The following TUBGCP2 variants were observed in gnomAD, a reference collection of about 807,000 sequenced individuals.
TUBGCP2 encodes the protein tubulin gamma complex component 2, also known as gamma-tubulin complex component 2.
In TUBGCP2, 55 loss-of-function variants were observed where a neutral mutation model predicts 92.2. The ratio of observed to expected loss-of-function variants is 0.60; its 90% CI spans 0.48 to 0.75. The LOEUF is 0.75. Among genes scored for constraint, TUBGCP2 ranks in the 30% least tolerant of loss-of-function variants. The pLI, the probability that TUBGCP2 is intolerant of heterozygous loss-of-function variation, is 0.00. For missense variants in TUBGCP2, 1,093 were observed against 1,188.9 expected (o/e 0.92, Z 1.19); for synonymous variants, 533 against 505.2 (o/e 1.06, Z -0.74).
chr10:133,282,357 T>C lies in TUBGCP2; in HGVS notation c.2290-15A>G. 6.4e-7 allele frequency: 1 copy of C among 1,568,688 alleles called. No individual in the cohort carries two copies. The highest frequency in any genetic ancestry group is 8.6e-7 in the Non-Finnish European group (1 of 1,158,518). On this transcript the variant is annotated splice_polypyrimidine_tract_variant and intron_variant, in intron 15 of 17. Transcript: ENST00000252936. ...TGTGTAAATTTCTAGGGGGGGAGAG[T>C]CGCAAGGAAATGCTTCTGTTAGTTA...
chr10:133,282,085 A>G, intron 16 of TUBGCP2, 138 bp downstream of exon 16: 3 of 1,367,930 alleles, frequency 2.2e-6, no homozygotes, highest in Non-Finnish European at 3.0e-6. Flanking sequence ...CTTGGAAGCT[A>G]ATTTTAAGTC....
upstream of TUBGCP2, chr10:133,309,992 C>T (rs1847951933): frequency 2.5e-6 from 4 of 1,611,866 alleles, no homozygotes; most frequent in African/African-American, 1.3e-5. Context: ...GTGACAACTG[C>T]ACAGCCGCCG....
rs184527226 is a variant in TUBGCP2 at position 133,285,043 on chromosome 10, C to A, written c.2024+42G>T. ...GCACCACTGGGCAGAGTGCAGCGAG[C>A]GCTGCTTCAGGAGGGCATGCGGGGG... On this transcript the variant is annotated intron_variant, in intron 13 of 17. Coordinates refer to ENST00000252936, the MANE Select transcript of TUBGCP2 (RefSeq NM_006659.4). This position sits in a 1 kb window ranked among gnomAD's most constrained non-coding sequence, Gnocchi z 6.8. The A allele has an allele frequency of 1.8e-5, 28 of 1,563,960 alleles. No homozygotes were observed. The East Asian group carries it at 2.3e-4, about 13-fold the overall frequency.
Position 133,289,861 on chromosome 10 carries a change from G to T in TUBGCP2, c.1323C>A (p.Ser441=). ...TCTTGTCCGCCATTTTCTGCAGGAA[G>T]GACGGGATCTGCTGCTGGACGATGG... is the stretch of plus-strand genomic sequence containing the variant. ...RYTIVQQQIP[S]FLQKMADKIL... is the part of the protein sequence containing the mutation. The change falls in exon 9 of 18, where the codon TCC becomes TCA. Residue 441 remains serine, a synonymous_variant. Coordinates refer to ENST00000252936, the MANE Select transcript of TUBGCP2 (RefSeq NM_006659.4). 7.4e-7 allele frequency: 1 copy of T among 1,350,498 alleles called. No homozygotes were observed. Among genetic ancestry groups the T allele is most frequent in the Non-Finnish European group, 9.8e-7 (1 of 1,024,966 alleles). 83.7% of individuals were successfully genotyped at this position (1,350,498 alleles called of 1,614,324 possible). A position where few individuals can be genotyped will look rare whatever the true frequency, so the allele number is the denominator to read the frequency against.
chr10:133,310,648 G>GCC (rs1330186685), upstream of TUBGCP2: 14 of 298,082 alleles, frequency 4.7e-5, no homozygotes, highest in African/African-American at 3.0e-4. Flanking sequence ...TCGGGGCCGT[G>GCC]TCTGTACCTC....
At chr10:133,299,699 C>A (rs1433324572) in intron 3 of TUBGCP2, 96 bp from the exon 4 acceptor site, 2 of 1,096,646 alleles carry the variant, frequency 1.8e-6, no homozygotes, top group Non-Finnish European at 2.6e-6. Flanking sequence ...GCTCCCCAAC[C>A]CTGACAGGCA....
At chr10:133,283,287 C>A (rs139274249) in intron 14 of TUBGCP2, 66 bp from the exon 15 acceptor site, 1 of 1,604,544 alleles carries the variant, frequency 6.2e-7, no homozygotes, top group Admixed American at 1.7e-5. Flanking sequence ...TGCATGCGCA[C>A]GTGCTCAGTT....
In TUBGCP2 at chr10:133,289,948, G is replaced by A. The variant is rs962975476; in HGVS notation, c.1236C>T (p.His412=). The A allele has an allele frequency of 8.1e-6, 13 of 1,613,986 alleles. No individual in the cohort carries two copies. The highest frequency in any genetic ancestry group is 4.5e-5 in the East Asian group (2 of 44,890). The change falls in exon 9 of 18, where the codon CAC becomes CAT. Residue 412 remains histidine, a synonymous_variant. Coordinates refer to ENST00000252936, the MANE Select transcript of TUBGCP2 (RefSeq NM_006659.4). The part of the protein sequence containing the change: ...DPYSEFMVEE[H]ELRKERIQED... ...CCTGGATCCTCTCCTTCCGCAGCTC[G>A]TGCTCCTCGACCATAAACTCACTAA...
chr10:133,299,622 G>A lies in TUBGCP2; in HGVS notation c.280-19C>T. ...GCAGAGTCTGAAAACATGTAAAACTGTGTGTTCACACTGGGCCAGCACCTC... is the reference window on the plus strand; with the variant it reads ...GCAGAGTCTGAAAACATGTAAAACTATGTGTTCACACTGGGCCAGCACCTC... On this transcript the variant is annotated intron_variant, in intron 3 of 17. Transcript: ENST00000252936. 1 of 1,575,790 alleles carries A rather than the reference G, an allele frequency of 6.3e-7. No homozygotes were observed. Among genetic ancestry groups the A allele is most frequent in the Non-Finnish European group, 8.7e-7 (1 of 1,151,364 alleles).
upstream of TUBGCP2, chr10:133,309,507 C>T (rs761308352): frequency 1.2e-5 from 19 of 1,579,778 alleles, no homozygotes; most frequent in Non-Finnish European, 1.0e-5. Context: ...TCCTGCGCCG[C>T]CTCCCTGACC....
In TUBGCP2 at chr10:133,299,458, C is replaced by A. The variant is rs748686050; in HGVS notation, c.425G>T (p.Gly142Val). The A allele has an allele frequency of 3.1e-6, 5 of 1,609,630 alleles. No homozygotes were observed. The highest frequency in any genetic ancestry group is 4.2e-6 in the Non-Finnish European group (5 of 1,179,556). The change falls in exon 4 of 18, where the codon GGC (glycine) becomes GTC (valine). Residue 142 changes from glycine to valine, a missense_variant. By Grantham distance (109) the Gly-to-Val change is moderately radical (BLOSUM62 -3). This residue lies in a region of TUBGCP2 where 490 missense variants were observed against 488.5 expected (regional missense o/e 1.00). Transcript: ENST00000252936. ...QELEELRKQLGSVATGSTLQQ... is the reference protein window; with the variant it reads ...QELEELRKQLVSVATGSTLQQ... The stretch of plus-strand genomic sequence containing the variant: ...CAGCGTGGAGCCTGTGGCCACGCTG[C>A]CAAGCTGCTTCCTCAGTTCCTCAAG...
At chr10:133,310,085 C>T, upstream of TUBGCP2, 1 of 1,611,012 alleles carries the variant, frequency 6.2e-7, no homozygotes, top group South Asian at 1.1e-5. Flanking sequence ...ACCTTTCCGC[C>T]CTTGGCAGCT....
At chr10:133,304,858 A>G (rs779571324) in intron 1 of TUBGCP2, among the ~76,000 whole-genome samples, 9 of 152,322 alleles carry the variant, frequency 5.9e-5, no homozygotes, top group Non-Finnish European at 7.4e-5. Context: ...GAAGACAAGA[A>G]TGTGAGCCTT....
In TUBGCP2 at chr10:133,279,856, A is replaced by G; in HGVS notation, c.2619T>C (p.Ser873=). The G allele has an allele frequency of 6.2e-7, 1 of 1,606,544 alleles. No homozygotes were observed. Among genetic ancestry groups the G allele is most frequent in the South Asian group, 1.1e-5 (1 of 89,982 alleles). Residue 873 remains serine (S), a synonymous_variant, in exon 18 of 18, where the codon TCT becomes TCC. Transcript: ENST00000252936. The part of the protein sequence containing the change: ...GFYTERLERL[S]AERSQKATPQ... ...GGGTGGCCTTCTGGCTCCTCTCTGCAGACAGGCGCTCCAGGCGCTCCGTGT... is the reference window on the plus strand; with the variant it reads ...GGGTGGCCTTCTGGCTCCTCTCTGCGGACAGGCGCTCCAGGCGCTCCGTGT...
chr10:133,299,706 G>A, intron 3 of TUBGCP2, 103 bp from the exon 4 acceptor site: 1 of 1,055,850 alleles, frequency 9.5e-7, no homozygotes, highest in Non-Finnish European at 1.4e-6. Flanking sequence ...AACCCTGACA[G>A]GCACCCATTA....
chr10:133,302,633 C>A, intron 2 of TUBGCP2, 159 bp downstream of exon 2: 5 of 892,032 alleles, frequency 5.6e-6, no homozygotes, highest in Non-Finnish European at 8.5e-6. Context: ...GGTGGGCTCA[C>A]CCTGCACCCT....
intron 5 of TUBGCP2, among the ~76,000 whole-genome samples, chr10:133,296,936 A>G (rs577406145): frequency 3.2e-4 from 49 of 152,186 alleles, no homozygotes; most frequent in Non-Finnish European, 6.3e-4. Context: ...ACCGTTCTCC[A>G]GGGTTTCCGG....
chr10:133,287,521 C>A (rs1847159970), intron 11 of TUBGCP2, among the ~76,000 whole-genome samples: 1 of 152,130 alleles, frequency 6.6e-6, no homozygotes, highest in Non-Finnish European at 1.5e-5. Context: ...GTGGGTGGAT[C>A]ACCTGAGGTC....
At chr10:133,308,963 T>A (rs1847908788), upstream of TUBGCP2, 3 of 1,240,496 alleles carry the variant, frequency 2.4e-6, no homozygotes. Context: ...CCCCCCGCGC[T>A]GTGCGCCCGC....
Sources: allele counts gnomAD v4.1 joint callset (sites outside exome capture counted in the v4.1 genomes callset), GRCh38; gene constraint gnomAD v4.1.1; regional missense constraint gnomAD v4.1.1; non-coding constraint Gnocchi (gnomAD v3.1); transcripts MANE v1.5; gene names NCBI Gene and HGNC (gene_info 2026-07-23, HGNC 2026-07-21).